KIF16B: variants seen among roughly 807,000 people sequenced by gnomAD.
The protein encoded by KIF16B is kinesin-like protein KIF16B.
In KIF16B, 98 loss-of-function variants were observed where a neutral mutation model predicts 156.3. The observed-to-expected ratio is 0.63, with a 90% CI of 0.53 to 0.74. KIF16B has a LOEUF of 0.74. KIF16B is among the 30% of genes least tolerant of loss of function. KIF16B has a pLI of 0.00. For synonymous variants in KIF16B, 564 were observed against 583.7 expected, an observed-to-expected ratio of 0.97 and a Z score of 0.49; for missense variants, 1,421 against 1,606.5, an observed-to-expected ratio of 0.88 and a Z score of 1.97.
rs554279717 is a variant in KIF16B, at chr20:16,451,829, CTAAGCTCATGTT to C, written c.1303-21859_1303-21848del. 2.8e-3 allele frequency among the ~76,000 whole-genome samples: 424 copies of C among 152,172 alleles called. 1 individual carries two copies. The highest frequency in any genetic ancestry group is 4.9e-3 in the Non-Finnish European group (335 of 68,008). On this transcript the variant is annotated intron_variant, in intron 12 of 25. Transcript: ENST00000354981. ...TACTTTAATATTCAGTATTTTAAAG[CTAAGCTCATGTT>C]TACCTATTTTAAAAGGAATATGTAG...
At chr20:16,547,679 T>G (rs1418510806) in intron 1 of KIF16B, among the ~76,000 whole-genome samples, 1 of 152,162 alleles carries the variant, frequency 6.6e-6, no homozygotes, top group Non-Finnish European at 1.5e-5. Context: ...TGAGGAGCGC[T>G]GCAACTCACG....
intron 25 of KIF16B, among the ~76,000 whole-genome samples, chr20:16,298,430 T>C (rs1301558016): frequency 6.6e-6 from 1 of 152,256 alleles, no homozygotes; most frequent in Admixed American, 6.5e-5. Flanking sequence ...AAATTCTTCC[T>C]GGCTTAGACT....
chr20:16,351,229 G>A (rs2064333079), intron 23 of KIF16B, among the ~76,000 whole-genome samples: 1 of 152,156 alleles, frequency 6.6e-6, no homozygotes, highest in African/African-American at 2.4e-5. Context: ...TTACCGTGTT[G>A]ACATGTAAGT....
At chr20:16,498,137 C>A (rs767531155) in intron 10 of KIF16B, among the ~76,000 whole-genome samples, 1 of 152,152 alleles carries the variant, frequency 6.6e-6, no homozygotes, top group Non-Finnish European at 1.5e-5. Flanking sequence ...TATGGCATGG[C>A]TACACGACAA....
chr20:16,361,856 G>C (rs1347295559), intron 22 of KIF16B, among the ~76,000 whole-genome samples: 2 of 152,114 alleles, frequency 1.3e-5, no homozygotes, highest in Non-Finnish European at 2.9e-5. Context: ...GACCAACATT[G>C]TTTCAAGGTT....
intron 24 of KIF16B, among the ~76,000 whole-genome samples, chr20:16,327,290 G>T (rs1375501942): frequency 6.6e-6 from 1 of 151,396 alleles, no homozygotes; most frequent in African/African-American, 2.4e-5. Flanking sequence ...GGACTCAGGG[G>T]AAAGGGTGGG....
At chr20:16,430,119 T>C (rs2066460106) in intron 12 of KIF16B, 137 bp from the exon 13 acceptor site, 2 of 908,724 alleles carry the variant, frequency 2.2e-6, no homozygotes, top group South Asian at 1.9e-5. Context: ...GACCTTAAAC[T>C]TCGTGTTGAA....
At chr20:16,516,454 A>C (rs1219349772) in intron 3 of KIF16B, among the ~76,000 whole-genome samples, 1 of 152,218 alleles carries the variant, frequency 6.6e-6, no homozygotes, top group Non-Finnish European at 1.5e-5. Context: ...AACAGACAAC[A>C]AAAGCTTTCA....
intron 15 of KIF16B, among the ~76,000 whole-genome samples, chr20:16,409,923 A>C (rs1299266630): frequency 2.2e-5 from 3 of 138,162 alleles, no homozygotes; most frequent in Non-Finnish European, 4.6e-5. Context: ...TGGGATGTCG[A>C]TCTACCTTCC....
chr20:16,422,610 G>A (rs1284647151), intron 15 of KIF16B, among the ~76,000 whole-genome samples: 1 of 152,036 alleles, frequency 6.6e-6, no homozygotes, highest in Non-Finnish European at 1.5e-5. Flanking sequence ...TGTGATTTAA[G>A]AACTACTTAT....
At chr20:16,358,388 A>G (rs2064487221) in intron 22 of KIF16B, among the ~76,000 whole-genome samples, 1 of 152,212 alleles carries the variant, frequency 6.6e-6, no homozygotes. Flanking sequence ...AGTATCCACA[A>G]GCATAACATA....
chr20:16,484,623 T>C (rs573225911), intron 12 of KIF16B, among the ~76,000 whole-genome samples: 4 of 152,342 alleles, frequency 2.6e-5, no homozygotes, highest in East Asian at 1.9e-4. Context: ...TGAGATAGTA[T>C]ATGTAAATGC....
chr20:16,355,821 A>G (rs1600197254), intron 23 of KIF16B, among the ~76,000 whole-genome samples: 2 of 152,242 alleles, frequency 1.3e-5, no homozygotes, highest in African/African-American at 2.4e-5. Context: ...AGAAACAACA[A>G]TGAAAATAGC....
chr20:16,278,301 C>T (rs1422917663), intron 25 of KIF16B, among the ~76,000 whole-genome samples: 2 of 152,164 alleles, frequency 1.3e-5, no homozygotes, highest in African/African-American at 2.4e-5. Flanking sequence ...AGCACAACAA[C>T]GTTGGAGACG....
At chr20:16,384,382 C>G (rs751968897) in intron 17 of KIF16B, among the ~76,000 whole-genome samples, 2 of 152,034 alleles carry the variant, frequency 1.3e-5, no homozygotes, top group African/African-American at 4.8e-5. Context: ...CCTGAAGAAG[C>G]ATATATCTAA....
In KIF16B at chr20:16,379,052, C is replaced by A. The variant is rs1364099539; in HGVS notation, c.2950G>T (p.Glu984Ter). 2 of 1,609,666 alleles carry A rather than the reference C, an allele frequency of 1.2e-6. No homozygotes were observed. Among genetic ancestry groups the A allele is most frequent in the Admixed American group, 1.7e-5 (1 of 59,304 alleles). Residue 984 changes from glutamate to a stop codon, truncating the protein, a stop_gained, in exon 19 of 26, where the codon GAA becomes TAA. Coordinates refer to ENST00000354981, the MANE Select transcript of KIF16B (RefSeq NM_024704.5). LOFTEE classifies it high-confidence loss of function. ...TCCTTTTCCTTTTTCCTCACTTTTT[C>A]CTCCTGACGTGCAATGTTGGCAGTG... ...EFTANIARQE[E>*]KVRKKEKEIL...
At chr20:16,467,483 A>G (rs2067525999) in intron 12 of KIF16B, among the ~76,000 whole-genome samples, 1 of 152,220 alleles carries the variant, frequency 6.6e-6, no homozygotes, top group Non-Finnish European at 1.5e-5. Flanking sequence ...GGAATTATCA[A>G]CCAGGGAAAT....
chr20:16,527,574 TG>T (rs1485751525), intron 2 of KIF16B, among the ~76,000 whole-genome samples: 2 of 152,198 alleles, frequency 1.3e-5, no homozygotes, highest in African/African-American at 2.4e-5. Context: ...TTTTTGTTGT[TG>T]TTTTTTTGTT....
chr20:16,540,890 C>T (rs2070170784), intron 1 of KIF16B, among the ~76,000 whole-genome samples: 1 of 152,192 alleles, frequency 6.6e-6, no homozygotes, highest in Non-Finnish European at 1.5e-5. Context: ...GTCTGACACA[C>T]TGTTTCTTAC....
Sources: gnomAD v4.1 joint callset for allele counts (sites outside exome capture counted in the v4.1 genomes callset) on GRCh38, gnomAD v4.1.1 for gene constraint, MANE v1.5 for transcripts, NCBI Gene and HGNC (gene_info 2026-07-23, HGNC 2026-07-21) for gene names.